Variants in ASAP2 observed in about 807,000 individuals in gnomAD.
ASAP2 encodes the protein ArfGAP with SH3 domain, ankyrin repeat and PH domain 2, also known as arf-GAP with SH3 domain, ANK repeat and PH domain-containing protein 2.
ASAP2 carries 45 observed loss-of-function variants against 131.4 expected under a neutral mutation model. That is an observed-to-expected ratio of 0.34 (90% confidence interval 0.27 to 0.44). ASAP2 has a LOEUF of 0.44. Among genes scored for constraint, ASAP2 ranks in the 20% least tolerant of loss-of-function variants. The pLI, the probability that ASAP2 is intolerant of heterozygous loss-of-function variation, is 1.00. For missense variants in ASAP2, 1,011 were observed against 1,297.0 expected (o/e 0.78, Z 3.39); for synonymous variants, 510 against 503.0 (o/e 1.01, Z -0.19).
chr2:9,275,898 A>G (rs1429655917), intron 1 of ASAP2, among the ~76,000 whole-genome samples: 2 of 152,148 alleles, frequency 1.3e-5, no homozygotes, highest in South Asian at 2.1e-4. Flanking sequence ...AGATGTCCAC[A>G]ATATTGTTTT....
chr2:9,366,838 GC>G (rs1164872797), intron 15 of ASAP2, among the ~76,000 whole-genome samples: 1 of 151,980 alleles, frequency 6.6e-6, no homozygotes, highest in Non-Finnish European at 1.5e-5. Context: ...TTAAAAAATT[GC>G]GTCTGCATCC....
At position 9,214,273 on chromosome 2, in the gene ASAP2, G is replaced by A. The variant is rs1016644793; in HGVS notation, c.126+7043G>A. Among the ~76,000 whole-genome samples the A allele has an allele frequency of 3.3e-5, 5 of 151,840 alleles. No homozygotes were observed. In the Middle Eastern group the frequency reaches 0.014, roughly 419 times the overall value. On this transcript the variant is annotated intron_variant, in intron 1 of 27. Coordinates refer to ENST00000281419, the MANE Select transcript of ASAP2 (RefSeq NM_003887.3). Reference sequence around the variant, plus strand: ...TTTTGTTTGAGGTGGAGTCTTGCTCGGTTACCCAGGCTGGAGTGCAGTGGT... The same window carrying A: ...TTTTGTTTGAGGTGGAGTCTTGCTCAGTTACCCAGGCTGGAGTGCAGTGGT...
intron 25 of ASAP2, among the ~76,000 whole-genome samples, 159 bp downstream of exon 25, chr2:9,400,231 C>CCCCCTCCCCT (rs1558405843): frequency 8.1e-5 from 5 of 61,504 alleles, no homozygotes; most frequent in Admixed American, 1.4e-4. Flanking sequence ...CCCTCCTGCC[C>CCCCCTCCCCT]CCTCCCCTCC....
chr2:9,349,739 C>T lies in ASAP2; in HGVS notation c.1024-1069C>T, dbSNP rs193284820. 4.1e-4 allele frequency among the ~76,000 whole-genome samples: 63 copies of T among 152,288 alleles called. 1 individual carries two copies. Among genetic ancestry groups the T allele is most frequent in the African/African-American group, 1.2e-3 (51 of 41,556 alleles). On this transcript the variant is annotated intron_variant, in intron 11 of 27. Coordinates refer to ENST00000281419, the MANE Select transcript of ASAP2 (RefSeq NM_003887.3). Reference sequence around the variant, plus strand: ...TACATTTATTAACCCAAATCCTTCACGCTGCAAGGATGGGTTCAACTCTCC... The same window carrying T: ...TACATTTATTAACCCAAATCCTTCATGCTGCAAGGATGGGTTCAACTCTCC...
intron 1 of ASAP2, among the ~76,000 whole-genome samples, chr2:9,225,440 C>T (rs534943025): frequency 1.2e-4 from 19 of 152,300 alleles, no homozygotes; most frequent in African/African-American, 4.3e-4. Flanking sequence ...GCAGCCTTTT[C>T]TTCCCCAGGA....
intron 1 of ASAP2, among the ~76,000 whole-genome samples, chr2:9,271,065 T>C (rs1368178026): frequency 6.6e-6 from 1 of 151,866 alleles, no homozygotes; most frequent in East Asian, 1.9e-4. Flanking sequence ...AGTGCTGGGA[T>C]TACAGGCGTG....
chr2:9,319,164 C>T (rs1312724651), intron 4 of ASAP2, among the ~76,000 whole-genome samples: 2 of 152,146 alleles, frequency 1.3e-5, no homozygotes, highest in Non-Finnish European at 2.9e-5. Flanking sequence ...GGAGCTGTTT[C>T]GGGGGCAGCG....
At chr2:9,360,007 G>A (rs553585054) in intron 15 of ASAP2, among the ~76,000 whole-genome samples, 6 of 152,324 alleles carry the variant, frequency 3.9e-5, no homozygotes, top group East Asian at 3.9e-4. Context: ...AATAATGCAC[G>A]TAACCTACAG....
chr2:9,231,051 C>G (rs183410296), intron 1 of ASAP2, among the ~76,000 whole-genome samples: 20 of 152,292 alleles, frequency 1.3e-4, no homozygotes, highest in Admixed American at 5.2e-4. Context: ...CTTTGCGGTT[C>G]TATGTCGGTC....
chr2:9,394,620 C>T (rs1465757632), intron 24 of ASAP2, among the ~76,000 whole-genome samples: 4 of 152,192 alleles, frequency 2.6e-5, no homozygotes, highest in South Asian at 4.1e-4. Context: ...CGCACATGTA[C>T]ATGGATACAT....
At chr2:9,372,045 C>T (rs1674014644) in intron 16 of ASAP2, among the ~76,000 whole-genome samples, 1 of 152,158 alleles carries the variant, frequency 6.6e-6, no homozygotes, top group Non-Finnish European at 1.5e-5. Flanking sequence ...GAGCTGCCTT[C>T]GGGGCCTCCA....
chr2:9,304,635 G>T (rs1400716691), intron 3 of ASAP2, among the ~76,000 whole-genome samples: 6 of 150,532 alleles, frequency 4.0e-5, no homozygotes, highest in Non-Finnish European at 7.4e-5. Context: ...GTGGAGTATA[G>T]ATATTGGTGG....
intron 9 of ASAP2, among the ~76,000 whole-genome samples, chr2:9,335,735 GTT>G (rs2148567223): frequency 6.6e-6 from 1 of 152,336 alleles, no homozygotes; most frequent in South Asian, 2.1e-4. Context: ...AGCAGGGACA[GTT>G]TGTGTTGTGG....
At chr2:9,316,361 T>C (rs941878640) in intron 3 of ASAP2, among the ~76,000 whole-genome samples, 1 of 152,228 alleles carries the variant, frequency 6.6e-6, no homozygotes, top group Non-Finnish European at 1.5e-5. Context: ...GATGCCATAT[T>C]GCTTTAAAAG....
In ASAP2 at chr2:9,318,555, C is replaced by G; in HGVS notation, c.377C>G (p.Pro126Arg). ...IQNMNNIISFPLDSLLKGDLK... is the reference protein window; with the variant it reads ...IQNMNNIISFRLDSLLKGDLK... ...AATATGAACAACATAATCTCCTTCCCTTTGGACAGTTTGCTGAAGGGGGAC... is the reference window on the plus strand; with the variant it reads ...AATATGAACAACATAATCTCCTTCCGTTTGGACAGTTTGCTGAAGGGGGAC... Residue 126 changes from proline (P) to arginine (R), a missense_variant, in exon 4 of 28, where the codon CCT becomes CGT. Physicochemically the swap from Pro to Arg is moderately radical, Grantham distance 103 (BLOSUM62 -2). Transcript: ENST00000281419. 1 of 1,613,440 alleles carries G rather than the reference C, an allele frequency of 6.2e-7. No homozygotes were observed. The highest frequency in any genetic ancestry group is 8.5e-7 in the Non-Finnish European group (1 of 1,179,670).
At chr2:9,334,998 G>A (rs1157597976) in intron 8 of ASAP2, 95 bp from the exon 9 acceptor site, 34 of 1,400,318 alleles carry the variant, frequency 2.4e-5, no homozygotes, top group Non-Finnish European at 2.9e-5. Context: ...GGCAGTTGTC[G>A]CATTGTGTGG....
chr2:9,308,373 A>G (rs1669085870), intron 3 of ASAP2, among the ~76,000 whole-genome samples: 1 of 152,200 alleles, frequency 6.6e-6, no homozygotes, highest in Non-Finnish European at 1.5e-5. Context: ...ATGATGCCAA[A>G]CCAGTCGTGA....
intron 3 of ASAP2, among the ~76,000 whole-genome samples, chr2:9,317,918 A>G (rs1669902580): frequency 6.6e-6 from 1 of 152,100 alleles, no homozygotes. Context: ...CTTATACTCA[A>G]GCACAGTCAC....
At chr2:9,366,154 G>A (rs2715873) in intron 15 of ASAP2, among the ~76,000 whole-genome samples, 144 of 152,226 alleles carry the variant, frequency 9.5e-4, no homozygotes, top group African/African-American at 3.3e-3. Context: ...GGGCTGAAAC[G>A]TAAACTGGAA....
Sources: gnomAD v4.1 joint callset for allele counts (sites outside exome capture counted in the v4.1 genomes callset) on GRCh38, gnomAD v4.1.1 for gene constraint, MANE v1.5 for transcripts, NCBI Gene and HGNC (gene_info 2026-07-23, HGNC 2026-07-21) for gene names.